Variants in NOTCH1 observed in about 807,000 individuals in gnomAD.
NOTCH1 encodes the protein notch receptor 1.
NOTCH1 carries 37 observed loss-of-function variants against 254.8 expected under a neutral mutation model. That is an observed-to-expected ratio of 0.15 (90% CI 0.11 to 0.19). NOTCH1 has a LOEUF of 0.19. NOTCH1 is among the 10% of genes least tolerant of loss of function. The pLI, the probability that NOTCH1 is intolerant of heterozygous loss-of-function variation, is 1.00. For missense variants in NOTCH1, 2,972 were observed against 3,708.6 expected, an observed-to-expected ratio of 0.80 and a Z score of 5.16; for synonymous variants, 1,731 against 1,618.1, an observed-to-expected ratio of 1.07 and a Z score of -1.68.
chr9:136,507,396 G>C lies in NOTCH1; in HGVS notation c.3552C>G (p.Ile1184Met), dbSNP rs773375573. 1 of 1,610,802 alleles carries C rather than the reference G, an allele frequency of 6.2e-7. No homozygotes were observed. The highest frequency in any genetic ancestry group is 1.1e-5 in the South Asian group (1 of 90,768). ...GYHGVNCSEEIDECLSHPCQN... is the reference protein window; with the variant it reads ...GYHGVNCSEEMDECLSHPCQN... ...GGCAGGGGTGGGAGAGGCACTCGTC[G>C]ATCTCCTCAGAGCAGTTCACCCCGT... Residue 1184 changes from isoleucine to methionine, a missense_variant, in exon 22 of 34, where the codon ATC becomes ATG. Transcript: ENST00000651671.
rs1358942894 is a variant in NOTCH1, at chr9:136,509,826, T to G, written c.2876A>C (p.Asn959Thr). Residue 959 changes from asparagine (N) to threonine (T), a missense_variant, in exon 18 of 34, where the codon AAC becomes ACC. This residue lies in a region of NOTCH1 where 1,343 missense variants were observed against 1,557.0 expected (regional missense o/e 0.86). Coordinates refer to ENST00000651671, the MANE Select transcript of NOTCH1 (RefSeq NM_017617.5). ...CASDPCRNGA[N>T]CTDCVDSYTC... ...GTAGCTGTCCACGCAGTCCGTGCAG[T>G]TGGCCCCGTTGCGGCAGGGGTCACT... 6.2e-7 allele frequency: 1 copy of G among 1,613,050 alleles called. No homozygotes were observed. The highest frequency in any genetic ancestry group is 1.3e-5 in the African/African-American group (1 of 74,944).
rs375576856 is a variant in NOTCH1 at position 136,496,164 on chromosome 9, C to T, written c.7575G>A (p.Pro2525=). The T allele has an allele frequency of 1.3e-5, 21 of 1,609,898 alleles. No individual in the cohort carries two copies. The highest frequency in any genetic ancestry group is 5.0e-5 in the Admixed American group (3 of 59,668). ...ESPDQWSSSS[P]HSNVSDWSEG... ...CGGACCAGTCGGAGACGTTGGAATGCGGGGACGAGCTGGACCACTGGTCAG... is the reference window on the plus strand; with the variant it reads ...CGGACCAGTCGGAGACGTTGGAATGTGGGGACGAGCTGGACCACTGGTCAG... Residue 2525 remains proline, a synonymous_variant, in exon 34 of 34, where the codon CCG becomes CCA. Coordinates refer to ENST00000651671, the MANE Select transcript of NOTCH1 (RefSeq NM_017617.5).
In NOTCH1 at chr9:136,519,580, G is replaced by A; in HGVS notation, c.743-15C>T. On this transcript the variant is annotated splice_polypyrimidine_tract_variant and intron_variant, in intron 4 of 33. Transcript: ENST00000651671. ...GCCGGTGAAGCCTGCCGCAAGAGGG[G>A]CCGGGTCAGCCTCTTCCCTGAGGTC... is the stretch of plus-strand genomic sequence containing the variant. 6.2e-7 allele frequency: 1 copy of A among 1,612,618 alleles called. No individual in the cohort carries two copies. Among genetic ancestry groups the A allele is most frequent in the Admixed American group, 1.7e-5 (1 of 60,024 alleles).
Position 136,533,259 on chromosome 9 carries a change from AG to A in NOTCH1, c.141-9281del, listed in dbSNP as rs1453401925. Among the ~76,000 whole-genome samples, 8 of 49,852 alleles carry A rather than the reference AG, an allele frequency of 1.6e-4. 2 individuals carry two copies. The highest frequency in any genetic ancestry group is 8.3e-4 in the African/African-American group (8 of 9,620). 32.7% of individuals were successfully genotyped at this position (49,852 alleles called of 152,430 possible). A position where few individuals can be genotyped will look rare whatever the true frequency, so the allele number is the denominator to read the frequency against. ...TATAAGGATGGAGAGTGGAGGCCCAAGGGGGGGACTCTGGCCCAGCCCCCTC... is the reference window on the plus strand; with the variant it reads ...TATAAGGATGGAGAGTGGAGGCCCAAGGGGGGACTCTGGCCCAGCCCCCTC... On this transcript the variant is annotated intron_variant, in intron 2 of 33. Transcript: ENST00000651671.
chr9:136,507,092 C>A (rs1843100260), intron 22 of NOTCH1, 119 bp from the exon 23 acceptor site: 3 of 1,500,580 alleles, frequency 2.0e-6, no homozygotes, highest in Non-Finnish European at 1.8e-6. Context: ...TCGGGAGAGG[C>A]AGGTGTCAAG....
chr9:136,505,930 C>T, intron 24 of NOTCH1, 49 bp from the exon 25 acceptor site: 1 of 1,486,374 alleles, frequency 6.7e-7, no homozygotes, highest in Non-Finnish European at 9.0e-7. Context: ...CACCCCCCGC[C>T]CCCCCGCCAC....
Position 136,513,301 on chromosome 9 carries a change from G to C in NOTCH1, c.2353+91C>G, listed in dbSNP as rs75586259. On this transcript the variant is annotated intron_variant, in intron 14 of 33. Transcript: ENST00000651671. This position sits in a 1 kb window ranked among gnomAD's most constrained non-coding sequence, Gnocchi z 4.7. Reference sequence around the variant, plus strand: ...CCACGGGAGGGAGACACCATGCATGGTGCTGGCTGGACCTGGGTCCCGATC... The same window carrying C: ...CCACGGGAGGGAGACACCATGCATGCTGCTGGCTGGACCTGGGTCCCGATC... The C allele has an allele frequency of 6.7e-4, 1,055 of 1,585,316 alleles. 15 individuals are homozygous for C. In the African/African-American group the frequency reaches 0.012, roughly 18 times the overall value.
At chr9:136,539,639 C>G (rs1397673592) in intron 2 of NOTCH1, among the ~76,000 whole-genome samples, 1 of 152,192 alleles carries the variant, frequency 6.6e-6, no homozygotes, top group Non-Finnish European at 1.5e-5. Context: ...ATCTGCCCAC[C>G]TCGGATGCTG....
chr9:136,511,768 A>T (rs752697101), intron 15 of NOTCH1, among the ~76,000 whole-genome samples: 5 of 152,092 alleles, frequency 3.3e-5, no homozygotes, highest in Admixed American at 6.5e-5. Context: ...GCCAACAAAC[A>T]AGGGCTGCGA....
chr9:136,536,871 C>G (rs1209703717), intron 2 of NOTCH1, among the ~76,000 whole-genome samples: 1 of 152,266 alleles, frequency 6.6e-6, no homozygotes, highest in Admixed American at 6.5e-5. Context: ...GTAGTAGATG[C>G]TCAATAAAGA....
In NOTCH1 at chr9:136,508,855, G is replaced by A. The variant is rs776199973; in HGVS notation, c.3171+15C>T. On this transcript the variant is annotated intron_variant, in intron 19 of 33. Transcript: ENST00000651671. The stretch of plus-strand genomic sequence containing the variant: ...GGGCCCCTCCTTCGGGCACCTCTGT[G>A]GCCGGCGCACTCACCTGGCAGTTGG... The A allele has an allele frequency of 4.5e-6, 7 of 1,539,134 alleles. No homozygotes were observed. Among genetic ancestry groups the A allele is most frequent in the Non-Finnish European group, 6.1e-6 (7 of 1,140,020 alleles).
rs1165088974 is a variant in NOTCH1 at position 136,517,842 on chromosome 9, T to A, written c.1351A>T (p.Ile451Phe). 6.2e-7 allele frequency: 1 copy of A among 1,612,666 alleles called. No homozygotes were observed. The highest frequency in any genetic ancestry group is 2.2e-5 in the East Asian group (1 of 44,876). The change falls in exon 8 of 34, where the codon ATC becomes TTC. Residue 451 changes from isoleucine (I) to phenylalanine (F), a missense_variant. By Grantham distance (21) the Ile-to-Phe change is conservative. Coordinates refer to ENST00000651671, the MANE Select transcript of NOTCH1 (RefSeq NM_017617.5). ...LQGYTGPRCE[I>F]DVNECVSNPC... The stretch of plus-strand genomic sequence containing the variant: ...TTCGAGACGCACTCGTTGACGTCGA[T>A]CTCGCATCGGGGGCCCGTGTAGCCC...
chr9:136,535,363 A>G (rs534250506), intron 2 of NOTCH1, among the ~76,000 whole-genome samples: 6 of 152,134 alleles, frequency 3.9e-5, no homozygotes, highest in African/African-American at 1.4e-4. Context: ...TGTAGACGGC[A>G]GGACGCCCCC....
intron 3 of NOTCH1, 115 bp from the exon 4 acceptor site, chr9:136,523,303 A>G (rs1843405313): frequency 1.9e-6 from 2 of 1,080,922 alleles, no homozygotes; most frequent in Admixed American, 2.0e-5. Flanking sequence ...AGGTGCTATC[A>G]CATTTGATCC....
In NOTCH1 at chr9:136,506,468, T is replaced by C. The variant is rs1282991262; in HGVS notation, c.4014+59A>G. 1 of 1,466,414 alleles carries C rather than the reference T, an allele frequency of 6.8e-7. No homozygotes were observed. The highest frequency in any genetic ancestry group is 1.4e-5 in the African/African-American group (1 of 71,156). 90.8% of individuals were successfully genotyped at this position (1,466,414 alleles called of 1,614,324 possible). On this transcript the variant is annotated intron_variant, in intron 24 of 33. Transcript: ENST00000651671. This position sits in a 1 kb window ranked among gnomAD's most constrained non-coding sequence, Gnocchi z 4.5. The stretch of plus-strand genomic sequence containing the variant: ...CGGTCTGCGCCCCGAGGCCCCCACG[T>C]GGACCTCTCCAGGTGTCTCCCCTGG...
intron 5 of NOTCH1, 91 bp from the exon 6 acceptor site, chr9:136,518,915 C>T (rs946016876): frequency 9.7e-6 from 11 of 1,135,174 alleles, no homozygotes; most frequent in Non-Finnish European, 1.4e-5. Context: ...CCGCCCCCTC[C>T]AGGAAGCCTT....
rs775336930 is a variant in NOTCH1, at chr9:136,496,692, C to T, written c.7047G>A (p.Pro2349=). The change falls in exon 34 of 34, where the codon CCG becomes CCA. Residue 2349 remains proline (P), a synonymous_variant. Transcript: ENST00000651671. ...CGCTGGCAGCAAGGCTACTGTGCAGCGGGCCTACCATGCCATGCTGCAGGG... is the reference window on the plus strand; with the variant it reads ...CGCTGGCAGCAAGGCTACTGTGCAGTGGGCCTACCATGCCATGCTGCAGGG... ...APSLQHGMVG[P]LHSSLAASAL... is the part of the protein sequence containing the mutation. 91 of 1,612,662 alleles carry T rather than the reference C, an allele frequency of 5.6e-5. No individual in the cohort carries two copies. Among genetic ancestry groups the T allele is most frequent in the East Asian group, 1.6e-4 (7 of 44,896 alleles).
At chr9:136,501,697 G>C (rs1334572450) in intron 30 of NOTCH1, 51 bp downstream of exon 30, 4 of 1,600,914 alleles carry the variant, frequency 2.5e-6, no homozygotes, top group Non-Finnish European at 3.4e-6. Flanking sequence ...TTAGGGGAGA[G>C]AGGCAGGTGG....
intron 10 of NOTCH1, 92 bp from the exon 11 acceptor site, chr9:136,515,808 G>C (rs1385345125): frequency 3.9e-6 from 5 of 1,296,388 alleles, no homozygotes. Flanking sequence ...GTGCCAACCT[G>C]AGGAGGGCTC....
Sources: gnomAD v4.1 joint callset for allele counts (sites outside exome capture counted in the v4.1 genomes callset) on GRCh38, gnomAD v4.1.1 for gene constraint, gnomAD v4.1.1 regional missense constraint, Gnocchi (gnomAD v3.1) non-coding constraint, MANE v1.5 for transcripts, NCBI Gene and HGNC (gene_info 2026-07-23, HGNC 2026-07-21) for gene names.